GCNT1: variants seen among roughly 807,000 people sequenced by gnomAD.
GCNT1 encodes the protein beta-1,3-galactosyl-O-glycosyl-glycoprotein beta-1,6-N-acetylglucosaminyltransferase.
In GCNT1, 16 loss-of-function variants were observed where a neutral mutation model predicts 26.2. That is an observed-to-expected ratio of 0.61 (90% CI 0.41 to 0.93). The LOEUF (loss-of-function observed/expected upper bound fraction) is 0.93. GCNT1 is among the 40% of genes least tolerant of loss of function. The pLI, the probability that GCNT1 is intolerant of heterozygous loss-of-function variation, is 0.00. For missense variants in GCNT1, 477 were observed against 526.7 expected (o/e 0.91, Z 0.92); for synonymous variants, 183 against 190.8 (o/e 0.96, Z 0.34).
intron 2 of GCNT1, among the ~76,000 whole-genome samples, chr9:76,464,942 C>T (rs1203635651): frequency 1.3e-5 from 2 of 152,096 alleles, no homozygotes; most frequent in African/African-American, 2.4e-5. Flanking sequence ...TAGTGTTGCT[C>T]ACATTCCTCC....
the GCNT1 span, among the ~76,000 whole-genome samples, chr9:76,396,859 T>C: frequency 2.0e-5 from 3 of 152,104 alleles, no homozygotes; most frequent in Non-Finnish European, 4.4e-5. Context: ...TGGTGGCTCG[T>C]GCCTATAGCC....
chr9:76,429,960 C>T (rs898366436), intron 1 of GCNT1, among the ~76,000 whole-genome samples: 15 of 152,154 alleles, frequency 9.9e-5, no homozygotes, highest in Admixed American at 4.6e-4. Flanking sequence ...GTGATCTGCC[C>T]GCCTCGGCCT....
chr9:76,478,539 G>A (rs1484084165), intron 2 of GCNT1, among the ~76,000 whole-genome samples: 1 of 152,176 alleles, frequency 6.6e-6, no homozygotes, highest in Non-Finnish European at 1.5e-5. Flanking sequence ...TGGTGAGTAA[G>A]ACCCAGAACC....
intron 1 of GCNT1, among the ~76,000 whole-genome samples, chr9:76,422,357 C>T (rs1313878588): frequency 1.3e-5 from 2 of 152,122 alleles, no homozygotes; most frequent in East Asian, 1.9e-4. Context: ...GTGTGAACCA[C>T]GGCACTCAGC....
upstream of GCNT1, among the ~76,000 whole-genome samples, chr9:76,441,064 C>CA (rs758094129): frequency 0.024 from 3,107 of 129,052 alleles, 108 homozygotes; most frequent in African/African-American, 0.078. Context: ...GACTCCATCT[C>CA]AAAAAAAAAC....
At chr9:76,403,657 G>A in the GCNT1 span, among the ~76,000 whole-genome samples, 3 of 152,176 alleles carry the variant, frequency 2.0e-5, no homozygotes, top group African/African-American at 7.2e-5. Flanking sequence ...GCTTGGATCT[G>A]GTTCTTTGGT....
chr9:76,466,241 A>ATGTTT (rs1388324458), intron 2 of GCNT1, among the ~76,000 whole-genome samples: 7 of 152,128 alleles, frequency 4.6e-5, no homozygotes, highest in African/African-American at 1.7e-4. Context: ...GGGGTCTATG[A>ATGTTT]TGTTTTGTTT....
chr9:76,420,826 G>A (rs959557784), intron 1 of GCNT1, among the ~76,000 whole-genome samples: 2 of 151,586 alleles, frequency 1.3e-5, no homozygotes, highest in African/African-American at 4.8e-5. Context: ...GTGGTCCCAG[G>A]TACTTGGGAG....
At chr9:76,493,535 A>C (rs1824810374) in intron 2 of GCNT1, among the ~76,000 whole-genome samples, 1 of 152,162 alleles carries the variant, frequency 6.6e-6, no homozygotes, top group African/African-American at 2.4e-5. Context: ...GGGGACATGT[A>C]CCTGGGTTGG....
chr9:76,451,671 A>G (rs1823666072), intron 1 of GCNT1, among the ~76,000 whole-genome samples: 1 of 152,220 alleles, frequency 6.6e-6, no homozygotes, highest in African/African-American at 2.4e-5. Context: ...AGGCCTCAGA[A>G]AAAGCCCAAC....
At chr9:76,435,117 T>C (rs1823390214) in intron 1 of GCNT1, among the ~76,000 whole-genome samples, 1 of 152,192 alleles carries the variant, frequency 6.6e-6, no homozygotes, top group Non-Finnish European at 1.5e-5. Context: ...CTCAGAACCA[T>C]GTGATCTTTG....
intron 1 of GCNT1, among the ~76,000 whole-genome samples, chr9:76,444,275 A>G (rs1345389467): frequency 1.3e-5 from 2 of 152,218 alleles, no homozygotes; most frequent in African/African-American, 2.4e-5. Context: ...GACTAGAGAT[A>G]GAAATCAGAG....
the GCNT1 span, among the ~76,000 whole-genome samples, chr9:76,405,483 A>G: frequency 6.6e-6 from 1 of 152,184 alleles, no homozygotes; most frequent in African/African-American, 2.4e-5. Context: ...ACTTGTATCC[A>G]CCATTATCGT....
In GCNT1 at chr9:76,503,267, G is replaced by A. The variant is rs1458362707; in HGVS notation, c.886G>A (p.Val296Met). The part of the protein sequence containing the change: ...SAYFVVSREY[V>M]GYVLQNEKIQ... ...CTACTTCGTGGTCAGTAGGGAGTATGTGGGGTATGTACTACAGAATGAAAA... is the reference window on the plus strand; with the variant it reads ...CTACTTCGTGGTCAGTAGGGAGTATATGGGGTATGTACTACAGAATGAAAA... Residue 296 changes from valine to methionine, a missense_variant, in exon 4 of 4, where the codon GTG (valine) becomes ATG (methionine). By Grantham distance (21) the Val-to-Met change is conservative (BLOSUM62 1). Coordinates refer to ENST00000376730, the MANE Select transcript of GCNT1 (RefSeq NM_001490.5). The A allele has an allele frequency of 1.8e-5, 29 of 1,614,044 alleles. No individual in the cohort carries two copies. The highest frequency in any genetic ancestry group is 2.2e-5 in the Non-Finnish European group (26 of 1,180,022).
intron 1 of GCNT1, among the ~76,000 whole-genome samples, chr9:76,422,245 GA>G (rs1823205898): frequency 6.6e-6 from 1 of 151,950 alleles, no homozygotes; most frequent in South Asian, 2.1e-4. Context: ...ATATGAGTGG[GA>G]ACACAGCCAC....
At chr9:76,438,296 T>G (rs542535170), upstream of GCNT1, among the ~76,000 whole-genome samples, 407 of 152,262 alleles carry the variant, frequency 2.7e-3, 3 homozygotes, top group African/African-American at 9.4e-3. Flanking sequence ...GGCTTCCAGG[T>G]CATAGGTAGA....
In GCNT1 at chr9:76,452,786, CACT is replaced by C. The variant is rs533714362; in HGVS notation, c.-290+10472_-290+10474del. 6.6e-3 allele frequency among the ~76,000 whole-genome samples: 1,004 copies of C among 152,254 alleles called. 6 individuals are homozygous for C. Among genetic ancestry groups the C allele is most frequent in the Non-Finnish European group, 0.011 (774 of 68,006 alleles). ...ATTCGATATGAGATTTGGGCAGGGA[CACT>C]GATCGAAACCATATCACCCCCGAAG... On this transcript the variant is annotated intron_variant, in intron 1 of 2. Transcript: ENST00000442371.
intron 2 of GCNT1, among the ~76,000 whole-genome samples, chr9:76,496,652 T>A (rs1471491127): frequency 6.6e-6 from 1 of 152,196 alleles, no homozygotes; most frequent in Non-Finnish European, 1.5e-5. Flanking sequence ...ATCTTCTTTT[T>A]CCCTTCCTTG....
At chr9:76,408,432 A>G in the GCNT1 span, among the ~76,000 whole-genome samples, 1 of 152,158 alleles carries the variant, frequency 6.6e-6, no homozygotes, top group Admixed American at 6.5e-5. Flanking sequence ...ATTTTCAAAC[A>G]TTGAACCAGG....
Sources: allele counts gnomAD v4.1 joint callset (sites outside exome capture counted in the v4.1 genomes callset), GRCh38; gene constraint gnomAD v4.1.1; transcripts MANE v1.5; gene names NCBI Gene and HGNC (gene_info 2026-07-23, HGNC 2026-07-21).